The following SPTB variants were observed in gnomAD, a reference collection of about 807,000 sequenced individuals.
SPTB encodes spectrin beta, erythrocytic.
Under a neutral mutation model 256.2 loss-of-function variants are expected in SPTB, and 45 were observed. That is an observed-to-expected ratio of 0.18 (90% CI 0.14 to 0.23). The LOEUF is 0.23. SPTB is among the 10% of genes least tolerant of loss of function. The pLI is 1.00. For synonymous variants in SPTB, 1,231 were observed against 1,243.1 expected (o/e 0.99, Z 0.21); for missense variants, 2,715 against 3,040.4 (o/e 0.89, Z 2.52).
At chr14:64,856,671 C>G (rs1415897274) in intron 1 of SPTB, among the ~76,000 whole-genome samples, 1 of 152,374 alleles carries the variant, frequency 6.6e-6, no homozygotes, top group Middle Eastern at 3.4e-3. Context: ...TAACGCCTCC[C>G]AGGCAGAACG....
chr14:64,787,333 C>G (rs1394570659), intron 15 of SPTB, among the ~76,000 whole-genome samples, 173 bp from the exon 16 acceptor site: 2 of 152,038 alleles, frequency 1.3e-5, no homozygotes, highest in African/African-American at 4.8e-5. Flanking sequence ...GCAAAATTCA[C>G]TTCTCCAATT....
intron 2 of SPTB, among the ~76,000 whole-genome samples, chr14:64,808,646 T>G (rs1224050569): frequency 6.6e-6 from 1 of 152,178 alleles, no homozygotes; most frequent in Non-Finnish European, 1.5e-5. Context: ...TCCTAGGTGC[T>G]GCAGGGGCGT....
chr14:64,771,266 A>G (rs1343394019), intron 26 of SPTB, 137 bp from the exon 27 acceptor site: 5 of 1,350,236 alleles, frequency 3.7e-6, no homozygotes, highest in Non-Finnish European at 4.2e-6. Context: ...TTCAGCCTCC[A>G]CCCAGTGGGT....
At position 64,779,287 on chromosome 14, in the gene SPTB, C is replaced by T. The variant is rs910710354; in HGVS notation, c.4474-41G>A. 7.0e-6 allele frequency: 11 copies of T among 1,562,662 alleles called. No individual in the cohort carries two copies. Among genetic ancestry groups the T allele is most frequent in the African/African-American group, 2.7e-5 (2 of 72,750 alleles). Reference sequence around the variant, plus strand: ...GGCAGGAGAGAGCTGATGACAATCACGGCCAACCTTTCCTGAGTGCTCACC... The same window carrying T: ...GGCAGGAGAGAGCTGATGACAATCATGGCCAACCTTTCCTGAGTGCTCACC... On this transcript the variant is annotated intron_variant, in intron 21 of 35. Transcript: ENST00000644917. The surrounding 1 kb of genome is among the most constrained non-coding windows in gnomAD (Gnocchi z 4.2).
intron 1 of SPTB, among the ~76,000 whole-genome samples, chr14:64,837,048 C>T (rs543795104): frequency 6.6e-6 from 1 of 152,266 alleles, no homozygotes; most frequent in Admixed American, 6.5e-5. Context: ...TGAGCTCTGC[C>T]CAGAGAATCC....
chr14:64,872,980 T>C (rs1042600631), intron 1 of SPTB, among the ~76,000 whole-genome samples: 3 of 152,172 alleles, frequency 2.0e-5, no homozygotes, highest in Admixed American at 6.5e-5. Flanking sequence ...AATTACTCAG[T>C]CTCTGGTATG....
At chr14:64,848,229 C>G (rs755869159) in intron 1 of SPTB, among the ~76,000 whole-genome samples, 2 of 152,236 alleles carry the variant, frequency 1.3e-5, no homozygotes, top group Non-Finnish European at 2.9e-5. Context: ...AGGGAGGACA[C>G]TCCTACTCTT....
intron 1 of SPTB, among the ~76,000 whole-genome samples, chr14:64,839,027 G>T (rs1258138987): frequency 6.6e-6 from 1 of 152,108 alleles, no homozygotes; most frequent in Non-Finnish European, 1.5e-5. Context: ...TAGCTACTGG[G>T]GAGGCTGAGG....
At chr14:64,801,234 G>C in intron 7 of SPTB, 51 bp downstream of exon 7, 1 of 1,490,394 alleles carries the variant, frequency 6.7e-7, no homozygotes, top group Non-Finnish European at 9.3e-7. Context: ...AGCACAGCGA[G>C]TGCATCCCCC....
chr14:64,749,718 T>C lies in SPTB; in HGVS notation c.6777-22A>G, dbSNP rs1442198598. 1.2e-6 allele frequency: 2 copies of C among 1,612,810 alleles called. No homozygotes were observed. Among genetic ancestry groups the C allele is most frequent in the Admixed American group, 1.7e-5 (1 of 59,910 alleles). The stretch of plus-strand genomic sequence containing the variant: ...CAGCCTAGGAGGACAAAGGGTTTCC[T>C]GTCATGGAGACACCTCTGGAGGGGG... On this transcript the variant is annotated intron_variant, in intron 34 of 35. Transcript: ENST00000644917. This position sits in a 1 kb window ranked among gnomAD's most constrained non-coding sequence, Gnocchi z 4.7.
chr14:64,834,891 C>T (rs1411700936), intron 1 of SPTB, among the ~76,000 whole-genome samples: 5 of 152,186 alleles, frequency 3.3e-5, no homozygotes, highest in African/African-American at 9.7e-5. Flanking sequence ...GTTTCTTTCT[C>T]GTGTCACAGA....
chr14:64,776,891 A>G (rs1011882022), intron 22 of SPTB, among the ~76,000 whole-genome samples: 2 of 152,224 alleles, frequency 1.3e-5, no homozygotes, highest in East Asian at 1.9e-4. Context: ...GGTAATAGGG[A>G]CAATATAGAA....
At position 64,866,324 on chromosome 14, in the gene SPTB, G is replaced by C. The variant is rs142421708; in HGVS notation, c.-52+13468C>G. Reference sequence around the variant, plus strand: ...GCTTATCGCTGGCCTCAGGACACCCGTAAGAGCTCAATGGGGTCTTCAGTT... The same window carrying C: ...GCTTATCGCTGGCCTCAGGACACCCCTAAGAGCTCAATGGGGTCTTCAGTT... On this transcript the variant is annotated intron_variant, in intron 1 of 35. Coordinates refer to ENST00000644917, the MANE Select transcript of SPTB (RefSeq NM_001355436.2). This position sits in a 1 kb window ranked among gnomAD's most constrained non-coding sequence, Gnocchi z 4.6. Among the ~76,000 whole-genome samples the C allele has an allele frequency of 1.8e-4, 27 of 152,266 alleles. No individual in the cohort carries two copies. Among genetic ancestry groups the C allele is most frequent in the Non-Finnish European group, 3.5e-4 (24 of 68,008 alleles).
chr14:64,873,193 A>G lies in SPTB; in HGVS notation c.-52+6599T>C, dbSNP rs377466728. Among the ~76,000 whole-genome samples the G allele has an allele frequency of 6.6e-6, 1 of 152,180 alleles. No homozygotes were observed. Among genetic ancestry groups the G allele is most frequent in the Non-Finnish European group, 1.5e-5 (1 of 68,028 alleles). ...TTTATTTTTCTTTTTAGCACTTGAA[A>G]TTACAATATATATTTTTGTCTGTTG... On this transcript the variant is annotated intron_variant, in intron 1 of 35. Transcript: ENST00000644917. The surrounding 1 kb of genome is among the most constrained non-coding windows in gnomAD (Gnocchi z 4.3).
Position 64,785,604 on chromosome 14 carries a change from G to T in SPTB, c.3788C>A (p.Ala1263Asp). Reference sequence around the variant, plus strand: ...TCTCAGTAGGACAGAGGCCTCCTGGGCCTTCTCGTTGTTCTTCCTGTGCCT... The same window carrying T: ...TCTCAGTAGGACAGAGGCCTCCTGGTCCTTCTCGTTGTTCTTCCTGTGCCT... ...EDRHRKNNEKAQEASVLLRDN... is the reference protein window; with the variant it reads ...EDRHRKNNEKDQEASVLLRDN... Residue 1263 changes from alanine to aspartate, a missense_variant, in exon 18 of 36, where the codon GCC becomes GAC. By Grantham distance (126) the Ala-to-Asp change is moderately radical (BLOSUM62 -2). This residue lies in a region of SPTB where 2,239 missense variants were observed against 2,384.4 expected (regional missense o/e 0.94). Coordinates refer to ENST00000644917, the MANE Select transcript of SPTB (RefSeq NM_001355436.2). This position sits in a 1 kb window ranked among gnomAD's most constrained non-coding sequence, Gnocchi z 4.4. The T allele has an allele frequency of 6.2e-7, 1 of 1,614,098 alleles. No individual in the cohort carries two copies. The highest frequency in any genetic ancestry group is 8.5e-7 in the Non-Finnish European group (1 of 1,180,018).
rs1182860165 is a variant in SPTB at position 64,845,224 on chromosome 14, C to T, written c.-51-22079G>A. Among the ~76,000 whole-genome samples, 1 of 152,214 alleles carries T rather than the reference C, an allele frequency of 6.6e-6. No homozygotes were observed. Among genetic ancestry groups the T allele is most frequent in the East Asian group, 1.9e-4 (1 of 5,200 alleles). ...GCTACACCCACTGCATGTGGACATC[C>T]TTATCAGAAAATAGCCACTTAGCAA... On this transcript the variant is annotated intron_variant, in intron 1 of 35. Coordinates refer to ENST00000644917, the MANE Select transcript of SPTB (RefSeq NM_001355436.2). This position sits in a 1 kb window ranked among gnomAD's most constrained non-coding sequence, Gnocchi z 4.8.
In SPTB at chr14:64,787,026, G is replaced by A; in HGVS notation, c.2939C>T (p.Thr980Ile). 2 of 1,614,072 alleles carry A rather than the reference G, an allele frequency of 1.2e-6. No homozygotes were observed. Among genetic ancestry groups the A allele is most frequent in the South Asian group, 2.2e-5 (2 of 91,082 alleles). Reference sequence around the variant, plus strand: ...TGCCAGGTCCCGCCCCAGGTCTTTTGTGGACTCCACTACCTTTGTCTTGTC... The same window carrying A: ...TGCCAGGTCCCGCCCCAGGTCTTTTATGGACTCCACTACCTTTGTCTTGTC... Reference protein sequence around the residue: ...ITDKTKVVESTKDLGRDLAGI... With the variant: ...ITDKTKVVESIKDLGRDLAGI... Residue 980 changes from threonine (T) to isoleucine (I), a missense_variant, in exon 16 of 36, where the codon ACA becomes ATA. Around this residue, in one of 4 missense-constraint regions of SPTB, gnomAD observed 2,239 missense variants for 2,384.4 expected, o/e 0.94. Transcript: ENST00000644917.
At position 64,796,531 on chromosome 14, in the gene SPTB, G is replaced by T. The variant is rs775286309; in HGVS notation, c.1341+26C>A. On this transcript the variant is annotated intron_variant, in intron 11 of 35. Coordinates refer to ENST00000644917, the MANE Select transcript of SPTB (RefSeq NM_001355436.2). The surrounding 1 kb of genome is among the most constrained non-coding windows in gnomAD (Gnocchi z 4.1). ...GGCTCTGAAGAATGTCCCCTCTCCT[G>T]TCACCCAAAGCATGTCCCTCATTAC... 1 of 1,614,020 alleles carries T rather than the reference G, an allele frequency of 6.2e-7. No individual in the cohort carries two copies. The highest frequency in any genetic ancestry group is 8.5e-7 in the Non-Finnish European group (1 of 1,180,004).
chr14:64,821,034 G>A (rs111597841), intron 2 of SPTB, among the ~76,000 whole-genome samples: 3 of 152,142 alleles, frequency 2.0e-5, no homozygotes, highest in African/African-American at 7.2e-5. Context: ...CATCAGACGT[G>A]GTGACAACAC....
Sources: allele counts gnomAD v4.1 joint callset (sites outside exome capture counted in the v4.1 genomes callset), GRCh38; gene constraint gnomAD v4.1.1; regional missense constraint gnomAD v4.1.1; non-coding constraint Gnocchi (gnomAD v3.1); transcripts MANE v1.5; gene names NCBI Gene and HGNC (gene_info 2026-07-23, HGNC 2026-07-21).